The following CCAR1 variants were observed in gnomAD, a reference collection of about 807,000 sequenced individuals.
The protein encoded by CCAR1 is cell division cycle and apoptosis regulator 1, also known as cell division cycle and apoptosis regulator protein 1.
A neutral mutation model predicts 163.8 loss-of-function variants in CCAR1; 78 were observed. The ratio of observed to expected loss-of-function variants is 0.48; its 90% CI spans 0.40 to 0.57. The LOEUF (loss-of-function observed/expected upper bound fraction) is 0.57, where lower values mean the gene tolerates loss of function less well. CCAR1 is among the 20% of genes least tolerant of loss of function. The probability of loss-of-function intolerance (pLI) is 0.00; values close to 1 mark genes in which losing one functional copy is unlikely to be tolerated. For missense variants in CCAR1, 1,019 were observed against 1,365.2 expected (o/e 0.75, Z 4.00); for synonymous variants, 443 against 460.7 (o/e 0.96, Z 0.49).
chr10:68,766,106 C>T, intron 17 of CCAR1, 27 bp downstream of exon 17: 2 of 1,398,466 alleles, frequency 1.4e-6, no homozygotes, highest in African/African-American at 1.4e-5. Context: ...GAAATAAGAT[C>T]CATATAAGGT....
chr10:68,785,160 G>T (rs1309378715), intron 19 of CCAR1, among the ~76,000 whole-genome samples: 1 of 151,244 alleles, frequency 6.6e-6, no homozygotes, highest in Admixed American at 6.6e-5. Context: ...CTCGTGATCC[G>T]CCCACCTCGG....
chr10:68,755,215 T>C (rs370037081), intron 12 of CCAR1, 155 bp from the exon 13 acceptor site: 23 of 779,286 alleles, frequency 3.0e-5, no homozygotes, highest in Non-Finnish European at 4.7e-5. Flanking sequence ...TGAAATGCAG[T>C]GTGGAACACA....
At chr10:68,748,610 C>A (rs1014409314) in intron 8 of CCAR1, among the ~76,000 whole-genome samples, 1 of 151,508 alleles carries the variant, frequency 6.6e-6, no homozygotes, top group South Asian at 2.1e-4. Flanking sequence ...TGCCTCAGCT[C>A]CCCTGAGTAG....
chr10:68,769,712 C>T (rs543853399), intron 17 of CCAR1, among the ~76,000 whole-genome samples: 5 of 152,044 alleles, frequency 3.3e-5, no homozygotes, highest in African/African-American at 7.2e-5. Flanking sequence ...GAGGCCGAGG[C>T]GGGGGGATCA....
intron 19 of CCAR1, among the ~76,000 whole-genome samples, chr10:68,781,353 G>T (rs1006806059): frequency 6.6e-6 from 1 of 151,952 alleles, no homozygotes; most frequent in Admixed American, 6.6e-5. Context: ...GACCAGCATT[G>T]CCAACATGGT....
In CCAR1 at chr10:68,742,555, A is replaced by G; in HGVS notation, c.504A>G (p.Val168=). 6.2e-7 allele frequency: 1 copy of G among 1,613,292 alleles called. No homozygotes were observed. The highest frequency in any genetic ancestry group is 8.5e-7 in the Non-Finnish European group (1 of 1,179,388). ...HDTFGFVDED[V]FFQLSAVKGK... is the part of the protein sequence containing the mutation. ...CGTTTGGATTTGTGGATGAAGATGT[A>G]TTCTTTCAGCTTAGGTAAACTTAAT... Residue 168 remains valine (V), a synonymous_variant, in exon 6 of 25, where the codon GTA becomes GTG. Transcript: ENST00000265872.
chr10:68,771,586 A>G (rs530841258), intron 18 of CCAR1, 141 bp downstream of exon 18: 7 of 807,862 alleles, frequency 8.7e-6, no homozygotes, highest in Non-Finnish European at 1.4e-5. Flanking sequence ...CTTTGAGACC[A>G]TCACAGCTAA....
At chr10:68,753,681 G>C (rs760775127) in intron 10 of CCAR1, among the ~76,000 whole-genome samples, 171 bp from the exon 11 acceptor site, 1 of 152,156 alleles carries the variant, frequency 6.6e-6, no homozygotes, top group Non-Finnish European at 1.5e-5. Context: ...ATATAAATTT[G>C]AACGTAATAT....
At chr10:68,767,630 C>T (rs1018295972) in intron 17 of CCAR1, among the ~76,000 whole-genome samples, 3 of 151,976 alleles carry the variant, frequency 2.0e-5, no homozygotes, top group Admixed American at 6.6e-5. Context: ...CTGCAACCTC[C>T]GCCTCCCAGG....
intron 4 of CCAR1, among the ~76,000 whole-genome samples, chr10:68,738,285 A>G (rs1334475445): frequency 1.3e-5 from 2 of 152,110 alleles, no homozygotes; most frequent in African/African-American, 4.8e-5. Context: ...GTGGTGGCGC[A>G]GGCCTGTAAT....
At chr10:68,726,113 TAAAA>T (rs747643778) in intron 2 of CCAR1, among the ~76,000 whole-genome samples, 3 of 93,636 alleles carry the variant, frequency 3.2e-5, no homozygotes, top group East Asian at 3.2e-4. Context: ...GACCCTGTCC[TAAAA>T]AAAAAAAAAA....
chr10:68,737,516 A>T (rs1275787286), intron 3 of CCAR1, among the ~76,000 whole-genome samples: 1 of 151,628 alleles, frequency 6.6e-6, no homozygotes, highest in African/African-American at 2.4e-5. Context: ...AAAAAAAAAA[A>T]AAGTAGTTGA....
At chr10:68,781,578 G>T (rs1421286855) in intron 19 of CCAR1, among the ~76,000 whole-genome samples, 1 of 151,352 alleles carries the variant, frequency 6.6e-6, no homozygotes, top group East Asian at 1.9e-4. Flanking sequence ...TAATTAGGCT[G>T]GGCTCAGTGG....
At chr10:68,771,480 T>A (rs149003312) in intron 18 of CCAR1, 35 bp downstream of exon 18, 1 of 1,521,984 alleles carries the variant, frequency 6.6e-7, no homozygotes, top group Non-Finnish European at 8.9e-7. Flanking sequence ...AAGCTTTCAG[T>A]TACTCTTCTA....
intron 11 of CCAR1, 54 bp downstream of exon 11, chr10:68,754,131 A>T: frequency 8.2e-7 from 1 of 1,225,946 alleles, no homozygotes. Context: ...TATTCATAAT[A>T]AAAGGGTATG....
chr10:68,767,477 C>T (rs576213051), intron 17 of CCAR1, among the ~76,000 whole-genome samples: 4 of 152,194 alleles, frequency 2.6e-5, no homozygotes, highest in African/African-American at 9.6e-5. Flanking sequence ...AACTCCTGAC[C>T]TCAAGTGATC....
intron 19 of CCAR1, among the ~76,000 whole-genome samples, chr10:68,782,072 A>G (rs1417970623): frequency 6.6e-6 from 1 of 152,194 alleles, no homozygotes; most frequent in African/African-American, 2.4e-5. Flanking sequence ...TGGTGAGGAA[A>G]TGAAACAGCT....
chr10:68,745,984 T>C (rs950741333), intron 6 of CCAR1, among the ~76,000 whole-genome samples: 2 of 152,050 alleles, frequency 1.3e-5, no homozygotes, highest in Non-Finnish European at 2.9e-5. Flanking sequence ...ATTTATTTAT[T>C]TATTTTGAGA....
chr10:68,767,035 T>C (rs1192003231), intron 17 of CCAR1, among the ~76,000 whole-genome samples: 1 of 152,176 alleles, frequency 6.6e-6, no homozygotes, highest in African/African-American at 2.4e-5. Flanking sequence ...TCAAGTCCAG[T>C]TCTGTTTTTT....
Sources: gnomAD v4.1 joint callset for allele counts (sites outside exome capture counted in the v4.1 genomes callset) on GRCh38, gnomAD v4.1.1 for gene constraint, MANE v1.5 for transcripts, NCBI Gene and HGNC (gene_info 2026-07-23, HGNC 2026-07-21) for gene names.